Variants in SDK1 observed in about 807,000 individuals in gnomAD.
The protein encoded by SDK1 is sidekick cell adhesion molecule 1.
Under a neutral mutation model 245.5 loss-of-function variants are expected in SDK1, and 157 were observed. The ratio of observed to expected loss-of-function variants is 0.64; its 90% CI spans 0.56 to 0.73. The LOEUF (loss-of-function observed/expected upper bound fraction) is 0.73. Ranked by LOEUF, SDK1 falls within the 30% of genes least tolerant of loss-of-function variation. The pLI is 0.00. For missense variants in SDK1, 3,583 were observed against 3,002.3 expected, an observed-to-expected ratio of 1.19 and a Z score of -4.52; for synonymous variants, 1,647 against 1,278.5, an observed-to-expected ratio of 1.29 and a Z score of -6.15.
chr7:4,127,075 T>C (rs138889772), intron 25 of SDK1, among the ~76,000 whole-genome samples: 2 of 152,314 alleles, frequency 1.3e-5, no homozygotes, highest in East Asian at 3.9e-4. Context: ...CAGGATTTCC[T>C]ATTTGAGATA....
intron 5 of SDK1, among the ~76,000 whole-genome samples, chr7:3,921,197 A>T (rs1195668146): frequency 6.6e-6 from 1 of 152,242 alleles, no homozygotes; most frequent in Non-Finnish European, 1.5e-5. Flanking sequence ...TGTCTCATAC[A>T]AATAAAAAAT....
intron 4 of SDK1, among the ~76,000 whole-genome samples, chr7:3,658,118 C>G (rs62437900): frequency 1.3e-5 from 2 of 152,174 alleles, no homozygotes; most frequent in African/African-American, 4.8e-5. Flanking sequence ...AACACCCTGG[C>G]TTGCCCGCCT....
chr7:3,390,841 T>C (rs1482530619), intron 1 of SDK1, among the ~76,000 whole-genome samples: 1 of 152,208 alleles, frequency 6.6e-6, no homozygotes, highest in Non-Finnish European at 1.5e-5. Flanking sequence ...TAAATATCTG[T>C]TGTTTTAGGA....
Position 4,187,154 on chromosome 7 carries a change from A to C in SDK1, c.5098+8568A>C, listed in dbSNP as rs190323580. Among the ~76,000 whole-genome samples the C allele has an allele frequency of 1.1e-4, 16 of 152,144 alleles. No individual in the cohort carries two copies. The East Asian group carries it at 2.9e-3, about 28-fold the overall frequency. On this transcript the variant is annotated intron_variant, in intron 35 of 44. Coordinates refer to ENST00000404826, the MANE Select transcript of SDK1 (RefSeq NM_152744.4). ...AGGTGGGCTTGCTGCTACATGAGGC[A>C]CGGGGGCCAAGTCCAGGGATGAGGC...
At chr7:3,821,075 G>T (rs1222794085) in intron 4 of SDK1, among the ~76,000 whole-genome samples, 2 of 152,186 alleles carry the variant, frequency 1.3e-5, no homozygotes, top group Non-Finnish European at 1.5e-5. Context: ...TCAGGGTTGT[G>T]GTGGTCCAGC....
intron 5 of SDK1, among the ~76,000 whole-genome samples, chr7:3,895,037 G>T (rs1207683711): frequency 6.6e-6 from 1 of 152,004 alleles, no homozygotes; most frequent in African/African-American, 2.4e-5. Context: ...ACATTTTACT[G>T]ATTCATTCCT....
chr7:3,838,313 G>C (rs1780072632), intron 5 of SDK1, among the ~76,000 whole-genome samples: 1 of 152,216 alleles, frequency 6.6e-6, no homozygotes, highest in African/African-American at 2.4e-5. Context: ...AAGTACCTGA[G>C]CCACGGTTGA....
intron 1 of SDK1, among the ~76,000 whole-genome samples, chr7:3,548,897 T>C (rs771028091): frequency 1.3e-5 from 2 of 152,214 alleles, no homozygotes; most frequent in Non-Finnish European, 2.9e-5. Context: ...ACCTCAGATA[T>C]CTCCTTCTCT....
At chr7:3,717,959 T>TAAA (rs78072470) in intron 4 of SDK1, among the ~76,000 whole-genome samples, 1 of 142,760 alleles carries the variant, frequency 7.0e-6, no homozygotes, top group African/African-American at 2.6e-5. Context: ...AGACAGCATT[T>TAAA]AAAAAAAAAA....
At chr7:4,148,103 C>G (rs895598698) in intron 29 of SDK1, among the ~76,000 whole-genome samples, 2 of 152,168 alleles carry the variant, frequency 1.3e-5, no homozygotes, top group African/African-American at 4.8e-5. Context: ...CTAGTTACCA[C>G]TAAGTCCAAG....
chr7:3,758,716 AC>A (rs1259903152), intron 4 of SDK1, among the ~76,000 whole-genome samples: 4 of 151,932 alleles, frequency 2.6e-5, no homozygotes, highest in Non-Finnish European at 5.9e-5. Flanking sequence ...TTCTTTAAGA[AC>A]CCTGGTGCCT....
At chr7:3,559,745 A>G (rs911221979) in intron 1 of SDK1, among the ~76,000 whole-genome samples, 1 of 130,700 alleles carries the variant, frequency 7.7e-6, no homozygotes, top group Admixed American at 8.5e-5. Flanking sequence ...TAGAGATGAC[A>G]TTGTATTTTT....
chr7:3,606,549 C>G (rs1036918135), intron 1 of SDK1, among the ~76,000 whole-genome samples: 2 of 152,194 alleles, frequency 1.3e-5, no homozygotes, highest in African/African-American at 2.4e-5. Flanking sequence ...ACTTCATCCA[C>G]CCTGGTGTCA....
At chr7:3,878,619 T>C (rs6958535) in intron 5 of SDK1, among the ~76,000 whole-genome samples, 38,412 of 152,182 alleles carry the variant, frequency 0.25, 5,404 homozygotes, top group African/African-American at 0.38. Flanking sequence ...TTATCGGAAT[T>C]GGTGAAATCT....
intron 1 of SDK1, among the ~76,000 whole-genome samples, chr7:3,548,825 G>A (rs1415950871): frequency 6.6e-6 from 1 of 152,192 alleles, no homozygotes; most frequent in Non-Finnish European, 1.5e-5. Flanking sequence ...ATAGGGAGAA[G>A]CTGATATTTT....
chr7:3,989,701 G>A (rs1784151822), intron 14 of SDK1, among the ~76,000 whole-genome samples: 2 of 152,182 alleles, frequency 1.3e-5, no homozygotes, highest in African/African-American at 4.8e-5. Context: ...TTCAGCCTGA[G>A]TTCTGCCGTG....
chr7:4,091,946 T>C (rs13223305), intron 22 of SDK1, among the ~76,000 whole-genome samples: 44,012 of 151,874 alleles, frequency 0.29, 7,941 homozygotes, highest in African/African-American at 0.51. Context: ...TCACATTCCA[T>C]GGATCATCTC....
chr7:3,606,958 A>C (rs1456810010), intron 1 of SDK1, among the ~76,000 whole-genome samples: 2 of 152,188 alleles, frequency 1.3e-5, no homozygotes, highest in Non-Finnish European at 2.9e-5. Context: ...GGAATTTTGC[A>C]ATCAGGACAC....
chr7:3,513,291 A>C (rs1472295495), intron 1 of SDK1, among the ~76,000 whole-genome samples: 1 of 152,194 alleles, frequency 6.6e-6, no homozygotes, highest in Admixed American at 6.5e-5. Context: ...GGCCAATAAG[A>C]GACAGTAATA....
Sources: allele counts gnomAD v4.1 joint callset (sites outside exome capture counted in the v4.1 genomes callset), GRCh38; gene constraint gnomAD v4.1.1; transcripts MANE v1.5; gene names NCBI Gene and HGNC (gene_info 2026-07-23, HGNC 2026-07-21).